Variants in FLNB observed in about 807,000 individuals in gnomAD.
The protein encoded by FLNB is filamin B.
A neutral mutation model predicts 250.6 loss-of-function variants in FLNB; 111 were observed. That is an observed-to-expected ratio of 0.44 (90% CI 0.38 to 0.52). The LOEUF (loss-of-function observed/expected upper bound fraction) is 0.52. Ranked by LOEUF, FLNB falls within the 20% of genes least tolerant of loss-of-function variation. FLNB has a pLI of 0.00. For missense variants in FLNB, 2,869 were observed against 3,447.8 expected, an observed-to-expected ratio of 0.83 and a Z score of 4.20; for synonymous variants, 1,302 against 1,372.1, an observed-to-expected ratio of 0.95 and a Z score of 1.13.
Position 58,142,622 on chromosome 3 carries a change from C to A in FLNB, c.5182-28C>A. 1.3e-6 allele frequency: 2 copies of A among 1,576,000 alleles called. No individual in the cohort carries two copies. Among genetic ancestry groups the A allele is most frequent in the Middle Eastern group, 1.8e-4 (1 of 5,512 alleles). The stretch of plus-strand genomic sequence containing the variant: ...CCAGCTCCCGCTGTTGTCTGCTTTA[C>A]CCAGTGACCACTGCCTTCTGTTTTT... On this transcript the variant is annotated intron_variant, in intron 30 of 45. Transcript: ENST00000295956. This position sits in a 1 kb window ranked among gnomAD's most constrained non-coding sequence, Gnocchi z 4.3.
rs1273864047 is a variant in FLNB at position 58,169,615 on chromosome 3, A to T, written c.7443A>T (p.Ser2481=). 27 of 1,614,010 alleles carry T rather than the reference A, an allele frequency of 1.7e-5. No homozygotes were observed. The highest frequency in any genetic ancestry group is 2.2e-5 in the Non-Finnish European group (26 of 1,179,996). ...VTGQRLVSPG[S]ANETSSILVE... ...GCCAGCGTCTAGTTAGCCCTGGCTCAGCCAACGAGACCTCATCCATCCTGG... is the reference window on the plus strand; with the variant it reads ...GCCAGCGTCTAGTTAGCCCTGGCTCTGCCAACGAGACCTCATCCATCCTGG... The change falls in exon 45 of 46, where the codon TCA becomes TCT. Residue 2481 remains serine (S), a synonymous_variant. Coordinates refer to ENST00000295956, the MANE Select transcript of FLNB (RefSeq NM_001457.4). This position sits in a 1 kb window ranked among gnomAD's most constrained non-coding sequence, Gnocchi z 4.8.
chr3:58,063,419 A>G (rs1245172917), intron 1 of FLNB, among the ~76,000 whole-genome samples: 1 of 152,208 alleles, frequency 6.6e-6, no homozygotes, highest in Admixed American at 6.5e-5. Context: ...GCCTCCTCAC[A>G]TAATTGTGGG....
Position 58,138,367 on chromosome 3 carries a change from C to T in FLNB, c.4947C>T (p.Thr1649=), listed in dbSNP as rs376847187. The change falls in exon 29 of 46, where the codon ACC becomes ACT. Residue 1649 remains threonine, a synonymous_variant. Coordinates refer to ENST00000295956, the MANE Select transcript of FLNB (RefSeq NM_001457.4). The part of the protein sequence containing the change: ...DAKTAGKGKV[T]CTVLTPDGTE... ...AGACTGCCGGGAAGGGTAAAGTGAC[C>T]TGCACGGTTCTGACCCCAGATGGCA... 2 of 1,614,236 alleles carry T rather than the reference C, an allele frequency of 1.2e-6. No homozygotes were observed. Among genetic ancestry groups the T allele is most frequent in the Non-Finnish European group, 1.7e-6 (2 of 1,180,042 alleles).
At position 58,124,355 on chromosome 3, in the gene FLNB, G is replaced by A. The variant is rs763174083; in HGVS notation, c.3748G>A (p.Asp1250Asn). Residue 1250 changes from aspartate (D) to asparagine (N), a missense_variant, in exon 22 of 46, where the codon GAC becomes AAC. Around this residue, in one of 5 missense-constraint regions of FLNB, gnomAD observed 1,348 missense variants for 1,466.7 expected, o/e 0.92. Coordinates refer to ENST00000295956, the MANE Select transcript of FLNB (RefSeq NM_001457.4). ...AGATGTGTTCCGGGAAGCTACCACCGACTTTACAGTTGACTCTCGGCCGCT... is the reference window on the plus strand; with the variant it reads ...AGATGTGTTCCGGGAAGCTACCACCAACTTTACAGTTGACTCTCGGCCGCT... Reference protein sequence around the residue: ...GKDVFREATTDFTVDSRPLTQ... With the variant: ...GKDVFREATTNFTVDSRPLTQ... The A allele has an allele frequency of 2.5e-5, 41 of 1,614,034 alleles. No individual in the cohort carries two copies. Among genetic ancestry groups the A allele is most frequent in the Non-Finnish European group, 3.3e-5 (39 of 1,180,040 alleles).
Position 58,123,276 on chromosome 3 carries a change from C to T in FLNB, c.3310C>T (p.Pro1104Ser). Residue 1104 changes from proline (P) to serine (S), a missense_variant, in exon 21 of 46, where the codon CCC (proline) becomes TCC (serine). By Grantham distance (74) the Pro-to-Ser change is moderately conservative. Transcript: ENST00000295956. ...TCSVSYLPTK[P>S]GEYFVNILFE... Reference sequence around the variant, plus strand: ...CTCCGTCTCTTACCTTCCCACAAAACCCGGGGAGTACTTCGTCAACATCCT... The same window carrying T: ...CTCCGTCTCTTACCTTCCCACAAAATCCGGGGAGTACTTCGTCAACATCCT... 1 of 1,614,186 alleles carries T rather than the reference C, an allele frequency of 6.2e-7. No homozygotes were observed. The highest frequency in any genetic ancestry group is 8.5e-7 in the Non-Finnish European group (1 of 1,180,040).
chr3:58,099,431 A>C (rs1490365392), intron 8 of FLNB, among the ~76,000 whole-genome samples: 2 of 151,716 alleles, frequency 1.3e-5, no homozygotes, highest in Non-Finnish European at 2.9e-5. Flanking sequence ...AGAACCACAG[A>C]CTCTGTTGGC....
intron 18 of FLNB, among the ~76,000 whole-genome samples, chr3:58,112,666 C>A (rs1338380620): frequency 1.3e-5 from 2 of 152,096 alleles, no homozygotes; most frequent in African/African-American, 4.8e-5. Flanking sequence ...CACACACATA[C>A]ACACACACAC....
intron 12 of FLNB, among the ~76,000 whole-genome samples, chr3:58,107,248 C>T (rs2097261179): frequency 6.6e-6 from 1 of 152,076 alleles, no homozygotes; most frequent in African/African-American, 2.4e-5. Context: ...CCAGGCTGGT[C>T]TCGAACTCCT....
intron 41 of FLNB, among the ~76,000 whole-genome samples, chr3:58,158,235 C>G (rs1316901244): frequency 6.6e-6 from 1 of 152,232 alleles, no homozygotes; most frequent in African/African-American, 2.4e-5. Context: ...GATCAAAATG[C>G]TTCAAGTCTA....
At position 58,110,147 on chromosome 3, in the gene FLNB, A is replaced by G. The variant is rs535822613; in HGVS notation, c.2461A>G (p.Ile821Val). The change falls in exon 16 of 46, where the codon ATC becomes GTC. Residue 821 changes from isoleucine to valine, a missense_variant. Around this residue, in one of 5 missense-constraint regions of FLNB, gnomAD observed 1,348 missense variants for 1,466.7 expected, o/e 0.92. Coordinates refer to ENST00000295956, the MANE Select transcript of FLNB (RefSeq NM_001457.4). Reference sequence around the variant, plus strand: ...GCCTCCTGCTGCTGGGCGATACACTATCAAAGTTCTCTTTGCATCTCAGGT... The same window carrying G: ...GCCTCCTGCTGCTGGGCGATACACTGTCAAAGTTCTCTTTGCATCTCAGGT... ...YVPPAAGRYT[I>V]KVLFASQEIP... 10 of 1,614,196 alleles carry G rather than the reference A, an allele frequency of 6.2e-6. No individual in the cohort carries two copies. The highest frequency in any genetic ancestry group is 1.7e-5 in the Admixed American group (1 of 60,020).
chr3:58,066,729 T>C (rs914429673), intron 1 of FLNB, among the ~76,000 whole-genome samples: 10 of 152,222 alleles, frequency 6.6e-5, no homozygotes, highest in Non-Finnish European at 1.2e-4. Context: ...AAAAGTGGCA[T>C]TGAAAATAAA....
chr3:58,162,795 A>G (rs2097363887), intron 42 of FLNB: 3 of 308,554 alleles, frequency 9.7e-6, no homozygotes, highest in South Asian at 3.1e-5. Flanking sequence ...GTGGAAAAAC[A>G]TAATTTAATT....
At chr3:58,167,191 C>T (rs2097372098) in intron 43 of FLNB, among the ~76,000 whole-genome samples, 1 of 152,236 alleles carries the variant, frequency 6.6e-6, no homozygotes, top group Admixed American at 6.5e-5. Flanking sequence ...TGGATGGACA[C>T]ACTGTCTCCT....
In FLNB at chr3:58,094,132, G is replaced by A. The variant is rs527899493; in HGVS notation, c.788-704G>A. 8.5e-5 allele frequency among the ~76,000 whole-genome samples: 13 copies of A among 152,300 alleles called. No individual in the cohort carries two copies. The East Asian group carries it at 9.6e-4, about 11-fold the overall frequency. ...TTTTGAGATGGAGTCATGCTCTGCC[G>A]CCTAGGATGCGATCTGGGCTCACTG... On this transcript the variant is annotated intron_variant, in intron 4 of 45. Coordinates refer to ENST00000295956, the MANE Select transcript of FLNB (RefSeq NM_001457.4).
intron 1 of FLNB, among the ~76,000 whole-genome samples, chr3:58,022,156 G>A (rs1183402102): frequency 1.3e-5 from 2 of 152,166 alleles, no homozygotes; most frequent in Non-Finnish European, 2.9e-5. Flanking sequence ...AGGGGCAGGC[G>A]CTGTGTCTCT....
intron 18 of FLNB, among the ~76,000 whole-genome samples, chr3:58,114,708 T>G (rs1471807190): frequency 2.4e-5 from 3 of 125,080 alleles, no homozygotes; most frequent in South Asian, 4.7e-4. Flanking sequence ...TTTTTTTCTG[T>G]TTTTTTTTTT....
rs756582653 is a variant in FLNB, at chr3:58,169,683, C to T, written c.7511C>T (p.Ala2504Val). ...TCGTCTACAGAGACCTGCTATAGCG[C>T]CATTCCCAAGGCATCCTCGGACGCC... The part of the protein sequence containing the change: ...TRSSTETCYS[A>V]IPKASSDASK... The change falls in exon 45 of 46, where the codon GCC becomes GTC. Residue 2504 changes from alanine (A) to valine (V), a missense_variant. Ala to Val is a moderately conservative substitution (Grantham distance 64). Transcript: ENST00000295956. This position sits in a 1 kb window ranked among gnomAD's most constrained non-coding sequence, Gnocchi z 4.8. 6.2e-7 allele frequency: 1 copy of T among 1,614,110 alleles called. No homozygotes were observed. Among genetic ancestry groups the T allele is most frequent in the East Asian group, 2.2e-5 (1 of 44,884 alleles).
chr3:58,152,734 C>T lies in FLNB; in HGVS notation c.6368-641C>T, dbSNP rs750710817. The T allele has an allele frequency of 4.5e-6, 6 of 1,338,294 alleles. No individual in the cohort carries two copies. In the Admixed American group the frequency reaches 7.8e-5, roughly 17 times the overall value. 82.9% of individuals were successfully genotyped at this position (1,338,294 alleles called of 1,614,324 possible). A position where few individuals can be genotyped will look rare whatever the true frequency, so the allele number is the denominator to read the frequency against. ...GGTCAGAGTCATGAACTGCTCTGCC[C>T]AGATCCTGTGGGGCTGGAGGGTGCA... On this transcript the variant is annotated intron_variant, in intron 38 of 45. Coordinates refer to ENST00000295956, the MANE Select transcript of FLNB (RefSeq NM_001457.4).
At chr3:58,113,288 T>G in intron 18 of FLNB, among the ~76,000 whole-genome samples, 2 of 152,322 alleles carry the variant, frequency 1.3e-5, no homozygotes, top group Middle Eastern at 6.8e-3. Context: ...TTAAGCCTAG[T>G]GTTCGAAGTG....
Sources: gnomAD v4.1 joint callset for allele counts (sites outside exome capture counted in the v4.1 genomes callset) on GRCh38, gnomAD v4.1.1 for gene constraint, gnomAD v4.1.1 regional missense constraint, Gnocchi (gnomAD v3.1) non-coding constraint, MANE v1.5 for transcripts, NCBI Gene and HGNC (gene_info 2026-07-23, HGNC 2026-07-21) for gene names.